The following SGCZ variants were observed in gnomAD, a reference collection of about 807,000 sequenced individuals.
SGCZ encodes the protein zeta-sarcoglycan.
A neutral mutation model predicts 41.3 loss-of-function variants in SGCZ; 40 were observed. That is an observed-to-expected ratio of 0.97 (90% confidence interval 0.75 to 1.26). SGCZ has a LOEUF of 1.26. Among genes scored for constraint, SGCZ ranks in the 50% most tolerant of loss-of-function variants. The pLI, the probability that SGCZ is intolerant of heterozygous loss-of-function variation, is 0.00. For synonymous variants in SGCZ, 206 were observed against 137.5 expected (o/e 1.50, Z -3.49); for missense variants, 552 against 369.8 (o/e 1.49, Z -4.04).
At chr8:14,851,045 T>C (rs141924344) in intron 1 of SGCZ, among the ~76,000 whole-genome samples, 479 of 152,132 alleles carry the variant, frequency 3.1e-3, no homozygotes, top group Non-Finnish European at 5.9e-3. Context: ...GAGTATGACA[T>C]TTAGTCTGCA....
intron 4 of SGCZ, among the ~76,000 whole-genome samples, chr8:14,211,784 G>T (rs1342455169): frequency 6.6e-6 from 1 of 152,010 alleles, no homozygotes; most frequent in African/African-American, 2.4e-5. Context: ...CTCCCACCAG[G>T]CCCCTTCTCC....
intron 1 of SGCZ, among the ~76,000 whole-genome samples, chr8:14,859,400 T>TA (rs143039140): frequency 2.3e-3 from 347 of 150,528 alleles, no homozygotes; most frequent in Middle Eastern, 0.017. Flanking sequence ...GTCATAAAGA[T>TA]AAAAAAAAAG....
At chr8:15,211,330 T>A (rs999598118) in intron 1 of SGCZ, among the ~76,000 whole-genome samples, 1 of 152,072 alleles carries the variant, frequency 6.6e-6, no homozygotes, top group Non-Finnish European at 1.5e-5. Context: ...AGGCTTCAAT[T>A]CACAATTAAA....
intron 1 of SGCZ, among the ~76,000 whole-genome samples, chr8:14,873,627 A>G (rs749194130): frequency 2.6e-5 from 4 of 152,124 alleles, no homozygotes; most frequent in Non-Finnish European, 4.4e-5. Context: ...AGAACAGAGT[A>G]TCTACAATCA....
intron 1 of SGCZ, among the ~76,000 whole-genome samples, chr8:14,956,550 G>A (rs1463350736): frequency 1.3e-5 from 2 of 151,466 alleles, no homozygotes; most frequent in African/African-American, 2.4e-5. Flanking sequence ...ACAGAATCTC[G>A]GTGCATACAA....
intron 1 of SGCZ, among the ~76,000 whole-genome samples, chr8:14,931,336 G>C (rs1471266776): frequency 6.6e-6 from 1 of 151,948 alleles, no homozygotes; most frequent in African/African-American, 2.4e-5. Context: ...CAAATAGTTT[G>C]ATCTATTCTT....
intron 4 of SGCZ, among the ~76,000 whole-genome samples, chr8:14,177,933 T>TTTTTTCCTTCTTTTC (rs1804597517): frequency 1.0e-5 from 1 of 99,200 alleles, no homozygotes; most frequent in African/African-American, 3.5e-5. Flanking sequence ...TTTATTTTTC[T>TTTTTTCCTTCTTTTC]TTTTTCCTTC....
At chr8:14,118,121 A>G (rs1175944376) in intron 5 of SGCZ, among the ~76,000 whole-genome samples, 1 of 152,046 alleles carries the variant, frequency 6.6e-6, no homozygotes, top group African/African-American at 2.4e-5. Context: ...TCTAGGTCAA[A>G]TGGTATTTCT....
intron 2 of SGCZ, among the ~76,000 whole-genome samples, chr8:14,414,326 G>T (rs1306844370): frequency 6.6e-6 from 1 of 151,872 alleles, no homozygotes; most frequent in Non-Finnish European, 1.5e-5. Flanking sequence ...ATATACGTAT[G>T]ACACTATGGT....
intron 1 of SGCZ, among the ~76,000 whole-genome samples, chr8:14,590,927 A>G (rs1465185212): frequency 6.7e-6 from 1 of 150,136 alleles, no homozygotes; most frequent in African/African-American, 2.4e-5. Context: ...TATGTCATAT[A>G]TGTGCTATAT....
At chr8:15,195,542 T>C (rs1051309089) in intron 1 of SGCZ, among the ~76,000 whole-genome samples, 1 of 152,166 alleles carries the variant, frequency 6.6e-6, no homozygotes, top group Non-Finnish European at 1.5e-5. Context: ...GCCTCCTCTT[T>C]CACAATGCTA....
At chr8:14,977,791 A>C (rs1192882897) in intron 1 of SGCZ, among the ~76,000 whole-genome samples, 1 of 152,126 alleles carries the variant, frequency 6.6e-6, no homozygotes, top group South Asian at 2.1e-4. Context: ...TAAACCAAAA[A>C]GCTATCTATG....
chr8:14,888,426 A>G (rs985455551), intron 1 of SGCZ, among the ~76,000 whole-genome samples: 2 of 152,182 alleles, frequency 1.3e-5, no homozygotes, highest in African/African-American at 4.8e-5. Context: ...CTATGATTTC[A>G]AAGAATTGCC....
chr8:14,640,144 A>G (rs1806974547), intron 1 of SGCZ, among the ~76,000 whole-genome samples: 1 of 151,652 alleles, frequency 6.6e-6, no homozygotes, highest in African/African-American at 2.4e-5. Flanking sequence ...ATTTAAGGCA[A>G]GATATTAAGA....
chr8:14,730,610 G>A (rs1380917981), intron 1 of SGCZ, among the ~76,000 whole-genome samples: 1 of 148,886 alleles, frequency 6.7e-6, no homozygotes, highest in Non-Finnish European at 1.5e-5. Flanking sequence ...ATCAGGTTCT[G>A]CTTGAAGTGA....
chr8:15,045,668 C>T (rs949484407), intron 1 of SGCZ, among the ~76,000 whole-genome samples: 22 of 152,020 alleles, frequency 1.4e-4, no homozygotes, highest in African/African-American at 5.3e-4. Flanking sequence ...AGTATGATGG[C>T]ACTGATATGC....
At chr8:15,178,293 T>C (rs1258780231) in intron 1 of SGCZ, among the ~76,000 whole-genome samples, 1 of 152,158 alleles carries the variant, frequency 6.6e-6, no homozygotes, top group Non-Finnish European at 1.5e-5. Flanking sequence ...ATAAATTTTG[T>C]TTTACCAATC....
At chr8:14,407,770 A>C (rs1174047855) in intron 2 of SGCZ, among the ~76,000 whole-genome samples, 1 of 152,096 alleles carries the variant, frequency 6.6e-6, no homozygotes, top group African/African-American at 2.4e-5. Context: ...ATTTTTTCCT[A>C]TGCATGTATT....
intron 1 of SGCZ, among the ~76,000 whole-genome samples, chr8:14,558,439 G>T (rs1005973158): frequency 2.0e-5 from 3 of 152,008 alleles, no homozygotes; most frequent in Non-Finnish European, 4.4e-5. Flanking sequence ...GCTGGGTGTG[G>T]TGGTGGGTGC....
Sources: allele counts gnomAD v4.1 joint callset (sites outside exome capture counted in the v4.1 genomes callset), GRCh38; gene constraint gnomAD v4.1.1; transcripts MANE v1.5; gene names NCBI Gene and HGNC (gene_info 2026-07-23, HGNC 2026-07-21).